Variants in SEC31B observed in about 807,000 individuals in gnomAD.
SEC31B encodes the protein protein transport protein Sec31B.
A neutral mutation model predicts 135.0 loss-of-function variants in SEC31B; 113 were observed. The ratio of observed to expected loss-of-function variants is 0.84; its 90% CI spans 0.72 to 0.98. SEC31B has a LOEUF of 0.98. Among genes scored for constraint, SEC31B ranks in the 50% least tolerant of loss-of-function variants. The pLI, the probability that SEC31B is intolerant of heterozygous loss-of-function variation, is 0.00. For synonymous variants in SEC31B, 508 were observed against 549.4 expected (o/e 0.92, Z 1.05); for missense variants, 1,296 against 1,421.1 (o/e 0.91, Z 1.42).
intron 5 of SEC31B, 105 bp from the exon 6 acceptor site, chr10:100,508,156 A>C: frequency 7.4e-7 from 1 of 1,358,050 alleles, no homozygotes; most frequent in Non-Finnish European, 1.0e-6. Context: ...CCAAGAATAG[A>C]CATGGGGCTA....
At chr10:100,501,191 G>A (rs1336233186) in intron 11 of SEC31B, among the ~76,000 whole-genome samples, 2 of 152,078 alleles carry the variant, frequency 1.3e-5, no homozygotes, top group East Asian at 3.9e-4. Flanking sequence ...GTTGCAGTAA[G>A]CCAAGATCAT....
At chr10:100,518,975 A>G (rs903277294) in intron 1 of SEC31B, among the ~76,000 whole-genome samples, 1 of 152,200 alleles carries the variant, frequency 6.6e-6, no homozygotes, top group African/African-American at 2.4e-5. Context: ...AAGATTCCCT[A>G]ACAACAAAAA....
In SEC31B at chr10:100,507,475, C is replaced by A; in HGVS notation, c.732G>T (p.Trp244Cys). ...EDDRLPVIQL[W>C]DLRFASSPLK... is the part of the protein sequence containing the mutation. ...AGGGCGAGGAGGCAAAGCGCAAGTC[C>A]CACAGCTGAATCACGGGAAGTCGAT... Residue 244 changes from tryptophan (W) to cysteine (C), a missense_variant, in exon 7 of 26, where the codon TGG (tryptophan) becomes TGT (cysteine). Physicochemically the swap from Trp to Cys is radical, Grantham distance 215 (BLOSUM62 -2). Coordinates refer to ENST00000370345, the MANE Select transcript of SEC31B (RefSeq NM_015490.4). 6.2e-7 allele frequency: 1 copy of A among 1,614,206 alleles called. No individual in the cohort carries two copies. The highest frequency in any genetic ancestry group is 2.2e-5 in the East Asian group (1 of 44,886).
chr10:100,515,916 G>GC (rs1486773465), intron 3 of SEC31B, among the ~76,000 whole-genome samples, 180 bp downstream of exon 3: 6 of 151,688 alleles, frequency 4.0e-5, no homozygotes, highest in Non-Finnish European at 8.8e-5. Flanking sequence ...GACTGGAAAG[G>GC]GGGGGGGTGG....
At chr10:100,500,900 G>A (rs1851509076) in intron 11 of SEC31B, among the ~76,000 whole-genome samples, 3 of 152,014 alleles carry the variant, frequency 2.0e-5, no homozygotes, top group Admixed American at 1.3e-4. Flanking sequence ...GACAGCTCTT[G>A]GGTAGCTTTT....
In SEC31B at chr10:100,499,222, C is replaced by T. The variant is rs1245740015; in HGVS notation, c.1522G>A (p.Glu508Lys). ...TCATTTCCCTTGGGCTGAGGACTCT[C>T]ACCTAGCCCCACGTCACTCTTCAAC... ...TWLKSDVGLG[E>K]SPQPKGNDLN... The change falls in exon 13 of 26, where the codon GAG becomes AAG. Residue 508 changes from glutamate to lysine, a missense_variant. By Grantham distance (56) the Glu-to-Lys change is moderately conservative (BLOSUM62 1). Coordinates refer to ENST00000370345, the MANE Select transcript of SEC31B (RefSeq NM_015490.4). 6 of 1,613,534 alleles carry T rather than the reference C, an allele frequency of 3.7e-6. No individual in the cohort carries two copies. In the African/African-American group the frequency reaches 5.3e-5, roughly 14 times the overall value.
Position 100,507,942 on chromosome 10 carries a change from T to C in SEC31B, c.605A>G (p.Glu202Gly), listed in dbSNP as rs745790713. 9 of 1,614,072 alleles carry C rather than the reference T, an allele frequency of 5.6e-6. No individual in the cohort carries two copies. In the South Asian group the frequency reaches 9.9e-5, roughly 18 times the overall value. ...GTGATCACTGACTTTGATGATAGGT[T>C]CATTCTTCCTGAGATCCCACACAAC... is the stretch of plus-strand genomic sequence containing the variant. ...KAVVWDLRKNEPIIKVSDHSN... is the reference protein window; with the variant it reads ...KAVVWDLRKNGPIIKVSDHSN... The change falls in exon 6 of 26, where the codon GAA becomes GGA. Residue 202 changes from glutamate (E) to glycine (G), a missense_variant. Physicochemically the swap from Glu to Gly is moderately conservative, Grantham distance 98 (BLOSUM62 -2). Transcript: ENST00000370345.
rs974689227 is a variant in SEC31B, at chr10:100,509,262, C to T, written c.399+54G>A. 15 of 1,566,602 alleles carry T rather than the reference C, an allele frequency of 9.6e-6. No homozygotes were observed. In the Admixed American group the frequency reaches 1.7e-4, roughly 18 times the overall value. On this transcript the variant is annotated intron_variant, in intron 4 of 25. Transcript: ENST00000370345. Reference sequence around the variant, plus strand: ...TGGAGGCCACAAATGAATGCTTCCACTCAGATCTGTTGCTCCCTGGCTTGG... The same window carrying T: ...TGGAGGCCACAAATGAATGCTTCCATTCAGATCTGTTGCTCCCTGGCTTGG...
intron 10 of SEC31B, 85 bp downstream of exon 10, chr10:100,505,276 C>T: frequency 1.3e-6 from 2 of 1,531,616 alleles, no homozygotes; most frequent in Non-Finnish European, 1.8e-6. Flanking sequence ...TAGCTCCATG[C>T]TGGGCACATG....
chr10:100,510,838 G>A (rs192934677), intron 3 of SEC31B, among the ~76,000 whole-genome samples: 89 of 152,332 alleles, frequency 5.8e-4, no homozygotes, highest in Admixed American at 1.6e-3. Flanking sequence ...TGTTTTCTAA[G>A]GTTGCAATGA....
Position 100,505,362 on chromosome 10 carries a change from G to A in SEC31B, c.1178C>T (p.Ala393Val). 5.0e-6 allele frequency: 8 copies of A among 1,613,042 alleles called. No individual in the cohort carries two copies. The highest frequency in any genetic ancestry group is 6.8e-6 in the Non-Finnish European group (8 of 1,179,576). The change falls in exon 10 of 26, where the codon GCT (alanine) becomes GTT (valine). Residue 393 changes from alanine to valine, a missense_variant and splice_region_variant. Physicochemically the swap from Ala to Val is moderately conservative, Grantham distance 64 (BLOSUM62 0). Coordinates refer to ENST00000370345, the MANE Select transcript of SEC31B (RefSeq NM_015490.4). ...WIRRPTGVSF[A>V]FGGKLVTFGL... ...CACCTATACATCCACTACACTTACA[G>A]CAAATGAAACACCTGTTGGTCTTCT...
Position 100,514,054 on chromosome 10 carries a change from G to A in SEC31B, c.203+2042C>T, listed in dbSNP as rs571604530. On this transcript the variant is annotated intron_variant, in intron 3 of 25. Coordinates refer to ENST00000370345, the MANE Select transcript of SEC31B (RefSeq NM_015490.4). ...ACAAAAATTAGCTGGGCATGGTGGCGCACCCCTGTAATCCCAGCTACTCGG... is the reference window on the plus strand; with the variant it reads ...ACAAAAATTAGCTGGGCATGGTGGCACACCCCTGTAATCCCAGCTACTCGG... Among the ~76,000 whole-genome samples, 6 of 151,846 alleles carry A rather than the reference G, an allele frequency of 4.0e-5. No homozygotes were observed. The South Asian group carries it at 1.3e-3, about 32-fold the overall frequency.
Position 100,497,160 on chromosome 10 carries a change from T to C in SEC31B, c.2111A>G (p.Gln704Arg). The change falls in exon 17 of 26, where the codon CAG (glutamine) becomes CGG (arginine). Residue 704 changes from glutamine to arginine, a missense_variant. Coordinates refer to ENST00000370345, the MANE Select transcript of SEC31B (RefSeq NM_015490.4). ...RLVECWAKCH[Q>R]ALSPMALQDL... is the part of the protein sequence containing the mutation. The stretch of plus-strand genomic sequence containing the variant: ...CTGCAGAGCCATGGGGGACAAAGCC[T>C]GGTGGCATTTTGCCCAGCACTCCAC... 1 of 1,614,128 alleles carries C rather than the reference T, an allele frequency of 6.2e-7. No homozygotes were observed. The highest frequency in any genetic ancestry group is 8.5e-7 in the Non-Finnish European group (1 of 1,180,026).
At chr10:100,501,434 C>G (rs949617814) in intron 11 of SEC31B, among the ~76,000 whole-genome samples, 2 of 152,136 alleles carry the variant, frequency 1.3e-5, no homozygotes, top group Non-Finnish European at 2.9e-5. Context: ...TTCTTTTCTT[C>G]CCACATCATT....
intron 3 of SEC31B, among the ~76,000 whole-genome samples, chr10:100,515,529 C>T (rs1196348840): frequency 6.6e-6 from 1 of 152,120 alleles, no homozygotes; most frequent in African/African-American, 2.4e-5. Flanking sequence ...TTTCAGTTCC[C>T]TCCTATGTAA....
intron 23 of SEC31B, 44 bp downstream of exon 23, chr10:100,489,208 G>A: frequency 1.3e-6 from 2 of 1,564,216 alleles, no homozygotes; most frequent in Non-Finnish European, 1.7e-6. Context: ...CCCAAGGAGG[G>A]CTGGAAGGTT....
At chr10:100,495,654 G>C (rs1039132977) in intron 18 of SEC31B, 108 bp from the exon 19 acceptor site, 1 of 1,115,634 alleles carries the variant, frequency 9.0e-7, no homozygotes, top group Admixed American at 2.2e-5. Flanking sequence ...TCCAACCTGT[G>C]TTATTTTGTT....
Position 100,505,932 on chromosome 10 carries a change from G to T in SEC31B, c.1044+108C>A, listed in dbSNP as rs563091183. On this transcript the variant is annotated intron_variant, in intron 9 of 25. Transcript: ENST00000370345. The stretch of plus-strand genomic sequence containing the variant: ...AAGGTGCAGCCCTCCCAAACCCCGG[G>T]CCCTGGTCTCCCAATCTCCAATATC... 3.1e-5 allele frequency: 48 copies of T among 1,559,306 alleles called. No homozygotes were observed. The African/African-American group carries it at 6.2e-4, about 20-fold the overall frequency.
intron 7 of SEC31B, among the ~76,000 whole-genome samples, chr10:100,506,872 G>A (rs1851642654): frequency 6.6e-6 from 1 of 152,144 alleles, no homozygotes; most frequent in African/African-American, 2.4e-5. Flanking sequence ...GGCCGAGCGG[G>A]GAGGATCACT....
Sources: gnomAD v4.1 joint callset for allele counts (sites outside exome capture counted in the v4.1 genomes callset) on GRCh38, gnomAD v4.1.1 for gene constraint, MANE v1.5 for transcripts, NCBI Gene and HGNC (gene_info 2026-07-23, HGNC 2026-07-21) for gene names.